The following ABI2 variants were observed in gnomAD, a reference collection of about 807,000 sequenced individuals.
ABI2 encodes the protein abl interactor 2, also known as abelson interactor 2.
A neutral mutation model predicts 59.2 loss-of-function variants in ABI2; 25 were observed. That is an observed-to-expected ratio of 0.42 (90% CI 0.31 to 0.59). The LOEUF is 0.59. Among genes scored for constraint, ABI2 ranks in the 20% least tolerant of loss-of-function variants. The probability of loss-of-function intolerance (pLI) is 0.14; values close to 1 mark genes in which losing one functional copy is unlikely to be tolerated. For missense variants in ABI2, 545 were observed against 681.8 expected, an observed-to-expected ratio of 0.80 and a Z score of 2.23; for synonymous variants, 213 against 235.5, an observed-to-expected ratio of 0.90 and a Z score of 0.87.
intron 10 of ABI2, among the ~76,000 whole-genome samples, chr2:203,416,633 A>G (rs1022905147): frequency 6.6e-6 from 1 of 152,156 alleles, no homozygotes; most frequent in Non-Finnish European, 1.5e-5. Flanking sequence ...GTGTTAATAT[A>G]AACAGGTTCC....
chr2:203,344,710 C>T (rs1278277309), intron 1 of ABI2, among the ~76,000 whole-genome samples: 7 of 152,046 alleles, frequency 4.6e-5, no homozygotes, highest in East Asian at 3.9e-4. Flanking sequence ...ATTGTAAACA[C>T]ACCAAACAGT....
chr2:203,365,622 C>CTTTTTTTTTTTTTTTT (rs71007507), intron 1 of ABI2, among the ~76,000 whole-genome samples: 1 of 63,908 alleles, frequency 1.6e-5, no homozygotes, highest in African/African-American at 6.0e-5. Context: ...GGGCTGTTAT[C>CTTTTTTTTTTTTTTTT]TTTTTTTTTT....
chr2:203,399,932 CTT>C (rs1260189289), intron 8 of ABI2, among the ~76,000 whole-genome samples: 3 of 152,118 alleles, frequency 2.0e-5, no homozygotes, highest in African/African-American at 4.8e-5. Context: ...TCTAAGAACT[CTT>C]TACCTGAAGT....
chr2:203,328,731 C>T lies in ABI2; in HGVS notation c.117+100C>T. 4.5e-6 allele frequency: 3 copies of T among 667,300 alleles called. No individual in the cohort carries two copies. In the South Asian group the frequency reaches 8.1e-5, roughly 18 times the overall value. 41.3% of individuals were successfully genotyped at this position (667,300 alleles called of 1,614,324 possible). ...AGGCCGCCTCGGGGACACGGCCCAG[C>T]GGAGCCCCCGATGGGGGTGGGGAGC... is the stretch of plus-strand genomic sequence containing the variant. On this transcript the variant is annotated intron_variant, in intron 1 of 11. Transcript: ENST00000261018.
At chr2:203,394,446 C>G in intron 5 of ABI2, 2 of 431,826 alleles carry the variant, frequency 4.6e-6, no homozygotes, top group Non-Finnish European at 8.3e-6. Context: ...AACCTTTGTG[C>G]TCTTTGAGAA....
intron 8 of ABI2, among the ~76,000 whole-genome samples, chr2:203,399,483 T>G (rs1279747365): frequency 6.6e-6 from 1 of 152,074 alleles, no homozygotes; most frequent in Non-Finnish European, 1.5e-5. Context: ...TTCCATTTTG[T>G]GATTCGTTTG....
intron 1 of ABI2, among the ~76,000 whole-genome samples, chr2:203,345,063 C>G (rs550540038): frequency 2.0e-5 from 3 of 152,290 alleles, no homozygotes; most frequent in Non-Finnish European, 2.9e-5. Context: ...CGCCGGGGTC[C>G]TCTTCCATGC....
chr2:203,364,211 A>G (rs1559225320), intron 1 of ABI2, among the ~76,000 whole-genome samples: 1 of 151,352 alleles, frequency 6.6e-6, no homozygotes, highest in East Asian at 2.0e-4. Context: ...CTCCTGCCTC[A>G]GGCTCCTGAG....
chr2:203,394,481 C>T, intron 5 of ABI2: 3 of 524,590 alleles, frequency 5.7e-6, no homozygotes, highest in Admixed American at 7.0e-5. Context: ...TGCATTAGCA[C>T]AGGGAAATGA....
chr2:203,364,091 C>CT (rs75432257), intron 1 of ABI2, among the ~76,000 whole-genome samples: 5,487 of 140,400 alleles, frequency 0.039, 311 homozygotes, highest in African/African-American at 0.13. Context: ...GTCCATTCAT[C>CT]TTTTTTTTTT....
intron 8 of ABI2, among the ~76,000 whole-genome samples, chr2:203,398,302 C>T (rs916082943): frequency 4.6e-5 from 7 of 152,112 alleles, no homozygotes; most frequent in African/African-American, 1.7e-4. Context: ...CGTTATGCTC[C>T]TGCTTTGATA....
chr2:203,340,740 T>C (rs992294760), intron 1 of ABI2, among the ~76,000 whole-genome samples: 31 of 152,108 alleles, frequency 2.0e-4, no homozygotes, highest in Admixed American at 7.2e-4. Context: ...GTGATAACCA[T>C]TTTACAGTTT....
chr2:203,403,983 C>T (rs1004835654), intron 9 of ABI2, among the ~76,000 whole-genome samples: 2 of 151,932 alleles, frequency 1.3e-5, no homozygotes, highest in African/African-American at 2.4e-5. Flanking sequence ...AAACTCCTGA[C>T]CTTAAGTGAT....
rs1483524696 is a variant in ABI2 at position 203,430,688 on chromosome 2, CCTG to C, written c.*3339_*3341del. The C allele has an allele frequency of 6.6e-6, 1 of 152,186 alleles. No homozygotes were observed. The highest frequency in any genetic ancestry group is 1.5e-5 in the Non-Finnish European group (1 of 68,032). 9.4% of individuals were successfully genotyped at this position (152,186 alleles called of 1,614,324 possible). The stretch of plus-strand genomic sequence containing the variant: ...GTTCCCATTTTAGAGTTGACAGTGG[CCTG>C]CTAATTTTGCTATGTTCCTAAAAGT... On this transcript the variant is annotated 3_prime_UTR_variant, in exon 12 of 12. Coordinates refer to ENST00000261018, the MANE Select transcript of ABI2 (RefSeq NM_001375670.1).
At chr2:203,350,070 C>A (rs1176688454) in intron 1 of ABI2, among the ~76,000 whole-genome samples, 2 of 152,094 alleles carry the variant, frequency 1.3e-5, no homozygotes, top group Non-Finnish European at 2.9e-5. Context: ...TGGACTGTCT[C>A]TTTATTTAAA....
chr2:203,343,343 G>A (rs1294410136), intron 1 of ABI2, among the ~76,000 whole-genome samples: 1 of 152,284 alleles, frequency 6.6e-6, no homozygotes, highest in South Asian at 2.1e-4. Context: ...TAGCCTGGAC[G>A]ACAGCGAGAC....
intron 1 of ABI2, among the ~76,000 whole-genome samples, chr2:203,362,077 A>G (rs933201473): frequency 1.3e-5 from 2 of 152,196 alleles, no homozygotes; most frequent in Non-Finnish European, 1.5e-5. Flanking sequence ...ATATATTTCT[A>G]GTTTATTTGT....
At chr2:203,411,500 T>C (rs1044785640) in intron 10 of ABI2, 129 bp downstream of exon 10, 1 of 724,190 alleles carries the variant, frequency 1.4e-6, no homozygotes, top group African/African-American at 1.8e-5. Flanking sequence ...AATCACTGTC[T>C]GGCTAGTGGA....
At chr2:203,361,580 G>A (rs923841976) in intron 1 of ABI2, among the ~76,000 whole-genome samples, 22 of 152,250 alleles carry the variant, frequency 1.4e-4, no homozygotes, top group East Asian at 9.6e-4. Flanking sequence ...TATAGAAGTT[G>A]ACAGAATGCT....
Sources: gnomAD v4.1 joint callset for allele counts (sites outside exome capture counted in the v4.1 genomes callset) on GRCh38, gnomAD v4.1.1 for gene constraint, MANE v1.5 for transcripts, NCBI Gene and HGNC (gene_info 2026-07-23, HGNC 2026-07-21) for gene names.